Variants in CD200R1L observed in about 807,000 individuals in gnomAD.
CD200R1L encodes CD200 receptor 1 like.
A neutral mutation model predicts 24.8 loss-of-function variants in CD200R1L; 14 were observed. That is an observed-to-expected ratio of 0.56 (90% CI 0.37 to 0.88). CD200R1L has a LOEUF of 0.88. CD200R1L is among the 40% of genes least tolerant of loss of function. The pLI, the probability that CD200R1L is intolerant of heterozygous loss-of-function variation, is 0.00. For synonymous variants in CD200R1L, 111 were observed against 109.2 expected (o/e 1.02, Z -0.11); for missense variants, 299 against 297.8 (o/e 1.00, Z -0.03).
intron 6 of CD200R1L, among the ~76,000 whole-genome samples, chr3:112,825,389 A>AT (rs1274415349): frequency 6.7e-6 from 1 of 149,478 alleles, no homozygotes; most frequent in African/African-American, 2.4e-5. Context: ...CTAATAAAAT[A>AT]TTTAAAATTA....
At chr3:112,825,388 T>G (rs1461325415) in intron 6 of CD200R1L, among the ~76,000 whole-genome samples, 1 of 149,270 alleles carries the variant, frequency 6.7e-6, no homozygotes, top group East Asian at 1.9e-4. Context: ...GCTAATAAAA[T>G]ATTTAAAATT....
At chr3:112,823,492 G>C (rs929974799) in intron 6 of CD200R1L, among the ~76,000 whole-genome samples, 1 of 152,178 alleles carries the variant, frequency 6.6e-6, no homozygotes, top group African/African-American at 2.4e-5. Flanking sequence ...TGTCTGAATT[G>C]AATTGTAGGA....
chr3:112,838,108 AAAC>A, intron 2 of CD200R1L, 98 bp from the exon 3 acceptor site: 2 of 347,354 alleles, frequency 5.8e-6, no homozygotes, highest in South Asian at 6.3e-5. Flanking sequence ...TAATCACAGA[AAAC>A]AACATTTCAA....
At chr3:112,841,042 G>T (rs760675522) in intron 2 of CD200R1L, among the ~76,000 whole-genome samples, 8 of 152,166 alleles carry the variant, frequency 5.3e-5, no homozygotes, top group Admixed American at 2.6e-4. Flanking sequence ...GATAGCAAGA[G>T]AAAAGAGGAA....
At chr3:112,839,552 C>A (rs1202801745) in intron 2 of CD200R1L, among the ~76,000 whole-genome samples, 5 of 152,182 alleles carry the variant, frequency 3.3e-5, no homozygotes, top group Non-Finnish European at 7.3e-5. Flanking sequence ...CGTGAAAGAA[C>A]CCCCTATCTT....
intron 2 of CD200R1L, among the ~76,000 whole-genome samples, chr3:112,838,284 C>T (rs1394206182): frequency 6.6e-6 from 1 of 151,994 alleles, no homozygotes; most frequent in Non-Finnish European, 1.5e-5. Flanking sequence ...TCAGTCTGTA[C>T]CAGTCTTTTG....
intron 6 of CD200R1L, among the ~76,000 whole-genome samples, chr3:112,823,921 G>GCTAAAGAGAGAA (rs1559921131): frequency 3.2e-4 from 48 of 151,988 alleles, no homozygotes; most frequent in African/African-American, 8.0e-4. Context: ...TGAAGCGCAA[G>GCTAAAGAGAGAA]GCAGGTTGTG....
intron 7 of CD200R1L, chr3:112,818,760 A>AT (rs1266212671): frequency 6.5e-6 from 1 of 154,414 alleles, no homozygotes; most frequent in African/African-American, 2.4e-5. Flanking sequence ...GTTGTTTCAC[A>AT]TTTGCAAATA....
At chr3:112,829,269 G>A (rs767129162) in intron 4 of CD200R1L, 50 bp downstream of exon 4, 78 of 1,436,630 alleles carry the variant, frequency 5.4e-5, no homozygotes, top group South Asian at 1.5e-4. Flanking sequence ...TTCTACTGAA[G>A]TTCAACTTTC....
At chr3:112,843,909 A>G (rs1939138132) in intron 2 of CD200R1L, among the ~76,000 whole-genome samples, 1 of 152,250 alleles carries the variant, frequency 6.6e-6, no homozygotes, top group Non-Finnish European at 1.5e-5. Flanking sequence ...CTATTCTTAT[A>G]TCAGGCAAAA....
rs772998031 is a variant in CD200R1L at position 112,827,273 on chromosome 3, C to A, written c.368-32G>T. 4 of 1,590,674 alleles carry A rather than the reference C, an allele frequency of 2.5e-6. No homozygotes were observed. The South Asian group carries it at 4.6e-5, about 18-fold the overall frequency. ...AGAGGAAAGAGGGAAAAAAATGCTTCAGTTTTCACATAAAGCATATGGAAT... is the reference window on the plus strand; with the variant it reads ...AGAGGAAAGAGGGAAAAAAATGCTTAAGTTTTCACATAAAGCATATGGAAT... On this transcript the variant is annotated intron_variant, in intron 5 of 7. Transcript: ENST00000488794.
rs1938479985 is a variant in CD200R1L, at chr3:112,819,485, A to C, written c.740+287T>G. Among the ~76,000 whole-genome samples, 8 of 152,226 alleles carry C rather than the reference A, an allele frequency of 5.3e-5. 1 individual carries two copies. The South Asian group carries it at 1.7e-3, about 32-fold the overall frequency. On this transcript the variant is annotated intron_variant, in intron 7 of 7. Coordinates refer to ENST00000488794, the MANE Select transcript of CD200R1L (RefSeq NM_001199215.3). ...AAAGTAAACACTTGAGAAGCCCCAG[A>C]AACTTTCTCCCACCAAATTCTGAAG...
intron 2 of CD200R1L, among the ~76,000 whole-genome samples, chr3:112,840,035 A>T (rs1378181612): frequency 1.3e-5 from 2 of 152,202 alleles, no homozygotes; most frequent in Non-Finnish European, 2.9e-5. Context: ...CAATATATAC[A>T]GTTATAAATC....
intron 3 of CD200R1L, among the ~76,000 whole-genome samples, chr3:112,837,113 T>C (rs1938967487): frequency 6.6e-6 from 1 of 152,244 alleles, no homozygotes; most frequent in African/African-American, 2.4e-5. Flanking sequence ...TAATTTACTT[T>C]TCCACTAGAA....
intron 3 of CD200R1L, among the ~76,000 whole-genome samples, chr3:112,834,997 C>A (rs1301011968): frequency 6.6e-6 from 1 of 152,194 alleles, no homozygotes; most frequent in East Asian, 1.9e-4. Context: ...TCTGGGCTCC[C>A]CAAAGAGCCA....
At chr3:112,822,917 T>C (rs772171748) in intron 6 of CD200R1L, among the ~76,000 whole-genome samples, 1 of 152,224 alleles carries the variant, frequency 6.6e-6, no homozygotes, top group Non-Finnish European at 1.5e-5. Context: ...ACGTATTCCC[T>C]CTAAACTGTT....
chr3:112,837,958 T>C lies in CD200R1L; in HGVS notation c.-34A>G. On this transcript the variant is annotated 5_prime_UTR_variant, in exon 3 of 8. Transcript: ENST00000488794. Reference sequence around the variant, plus strand: ...GCATTTTACCTTCATTAAGACGTATTCTCTAACTTTGTATTTCCAGTTGTG... The same window carrying C: ...GCATTTTACCTTCATTAAGACGTATCCTCTAACTTTGTATTTCCAGTTGTG... The C allele has an allele frequency of 1.6e-6, 2 of 1,237,102 alleles. No individual in the cohort carries two copies. The highest frequency in any genetic ancestry group is 6.0e-5 in the East Asian group (1 of 16,534). The allele number at this position is 1,237,102 out of a possible 1,614,324, so 76.6% of individuals were successfully genotyped here.
intron 3 of CD200R1L, among the ~76,000 whole-genome samples, chr3:112,834,677 T>C (rs1245815324): frequency 6.6e-6 from 1 of 152,242 alleles, no homozygotes; most frequent in African/African-American, 2.4e-5. Flanking sequence ...CTATTTGGCC[T>C]GGCAGGCAGC....
chr3:112,837,531 C>A (rs895825936), intron 3 of CD200R1L, among the ~76,000 whole-genome samples: 2 of 152,168 alleles, frequency 1.3e-5, no homozygotes, highest in Non-Finnish European at 2.9e-5. Context: ...CCACAATGAT[C>A]CCCTGGCCTC....
Sources: gnomAD v4.1 joint callset for allele counts (sites outside exome capture counted in the v4.1 genomes callset) on GRCh38, gnomAD v4.1.1 for gene constraint, MANE v1.5 for transcripts, NCBI Gene and HGNC (gene_info 2026-07-23, HGNC 2026-07-21) for gene names.